OTOP1: variants seen among roughly 807,000 people sequenced by gnomAD.
OTOP1 encodes proton channel OTOP1.
OTOP1 carries 59 observed loss-of-function variants against 52.9 expected under a neutral mutation model. That is an observed-to-expected ratio of 1.12 (90% CI 0.91 to 1.39). The LOEUF is 1.39. Ranked by LOEUF, OTOP1 falls within the 40% of genes most tolerant of loss-of-function variation. The pLI is 0.00. For synonymous variants in OTOP1, 317 were observed against 337.7 expected, an observed-to-expected ratio of 0.94 and a Z score of 0.67; for missense variants, 761 against 800.9, an observed-to-expected ratio of 0.95 and a Z score of 0.60.
intron 3 of OTOP1, 59 bp downstream of exon 3, chr4:4,206,013 T>C: frequency 6.9e-7 from 1 of 1,456,648 alleles, no homozygotes; most frequent in East Asian, 2.3e-5. Context: ...GTGATGAGTT[T>C]TGAAAATTCT....
At chr4:4,215,522 G>A (rs1004714307) in intron 1 of OTOP1, among the ~76,000 whole-genome samples, 3 of 152,010 alleles carry the variant, frequency 2.0e-5, no homozygotes, top group South Asian at 2.1e-4. Context: ...ATTAGCGGGT[G>A]TGGTGGTACA....
At chr4:4,211,986 C>G (rs1717035839) in intron 2 of OTOP1, among the ~76,000 whole-genome samples, 1 of 151,516 alleles carries the variant, frequency 6.6e-6, no homozygotes, top group South Asian at 2.1e-4. Context: ...TTACCATACC[C>G]AAAAAAAGAA....
intron 4 of OTOP1, among the ~76,000 whole-genome samples, chr4:4,201,465 T>TACACACAC (rs773676745): frequency 7.4e-4 from 64 of 86,184 alleles, no homozygotes; most frequent in Middle Eastern, 5.7e-3. Context: ...AATAAATATA[T>TACACACAC]ATATATACAC....
chr4:4,189,539 C>A (rs2920257), intron 5 of OTOP1, among the ~76,000 whole-genome samples: 119,680 of 152,154 alleles, frequency 0.79, 47,625 homozygotes, highest in African/African-American at 0.89. Context: ...ATGACCCTCA[C>A]TGATCCCCAG....
Position 4,226,840 on chromosome 4 carries a change from C to T in OTOP1, c.25G>A (p.Ala9Thr). 1 of 1,345,932 alleles carries T rather than the reference C, an allele frequency of 7.4e-7. No homozygotes were observed. The highest frequency in any genetic ancestry group is 9.5e-7 in the Non-Finnish European group (1 of 1,054,384). 83.4% of individuals were successfully genotyped at this position (1,345,932 alleles called of 1,614,324 possible). A position where few individuals can be genotyped will look rare whatever the true frequency, so the allele number is the denominator to read the frequency against. Residue 9 changes from alanine (A) to threonine (T), a missense_variant, in exon 1 of 6, where the codon GCC (alanine) becomes ACC (threonine). This residue lies in a region of OTOP1 where 73 missense variants were observed against 75.7 expected (regional missense o/e 0.96). Coordinates refer to ENST00000296358, the MANE Select transcript of OTOP1 (RefSeq NM_177998.3). ...GCGCTTGCAGCTGCCCGGGGCGAGGCGGGCGACCCCAGGCCCTCGAGCATC... is the reference window on the plus strand; with the variant it reads ...GCGCTTGCAGCTGCCCGGGGCGAGGTGGGCGACCCCAGGCCCTCGAGCATC... MLEGLGSP[A>T]SPRAAASASV...
intron 3 of OTOP1, among the ~76,000 whole-genome samples, chr4:4,205,827 A>C (rs1716893991): frequency 6.6e-6 from 1 of 152,228 alleles, no homozygotes; most frequent in Non-Finnish European, 1.5e-5. Context: ...TCATAACAGA[A>C]AAGTGTCTAA....
intron 4 of OTOP1, among the ~76,000 whole-genome samples, chr4:4,200,812 G>A (rs986980240): frequency 1.3e-4 from 19 of 150,434 alleles, no homozygotes; most frequent in Non-Finnish European, 2.7e-4. Context: ...CCAGCCTCGG[G>A]ATTACAAAGT....
At chr4:4,200,138 G>A (rs1716748967) in intron 4 of OTOP1, among the ~76,000 whole-genome samples, 1 of 152,094 alleles carries the variant, frequency 6.6e-6, no homozygotes, top group Non-Finnish European at 1.5e-5. Context: ...TAAGTGTTGT[G>A]GATTTTTTTG....
intron 2 of OTOP1, 22 bp downstream of exon 2, chr4:4,212,846 T>A (rs777242110): frequency 6.2e-7 from 1 of 1,612,998 alleles, no homozygotes; most frequent in African/African-American, 1.3e-5. Context: ...TGAGACAATA[T>A]AAATAAACAT....
intron 5 of OTOP1, among the ~76,000 whole-genome samples, chr4:4,193,358 C>T (rs1039479088): frequency 5.3e-5 from 8 of 152,202 alleles, no homozygotes; most frequent in African/African-American, 1.9e-4. Flanking sequence ...TCACCACACC[C>T]ACCGTCTGTT....
chr4:4,202,826 A>G (rs1400031198), intron 3 of OTOP1, among the ~76,000 whole-genome samples: 1 of 152,246 alleles, frequency 6.6e-6, no homozygotes, highest in Admixed American at 6.5e-5. Context: ...CTCAATGCCT[A>G]TAGGACATCA....
Position 4,197,857 on chromosome 4 carries a change from A to G in OTOP1, c.977T>C (p.Ile326Thr). 6.2e-7 allele frequency: 1 copy of G among 1,613,986 alleles called. No individual in the cohort carries two copies. The highest frequency in any genetic ancestry group is 8.5e-7 in the Non-Finnish European group (1 of 1,179,972). ...VLGLTVLAAT[I>T]AVVVVYLIHI... ...AATCAGGTATACCACCACCACAGCA[A>G]TGGTGGCGGCCAGCACGGTCAGGCC... is the stretch of plus-strand genomic sequence containing the variant. Residue 326 changes from isoleucine to threonine, a missense_variant, in exon 5 of 6, where the codon ATT (isoleucine) becomes ACT (threonine). Physicochemically the swap from Ile to Thr is moderately conservative, Grantham distance 89. Transcript: ENST00000296358.
rs1411947564 is a variant in OTOP1 at position 4,226,739 on chromosome 4, C to A, written c.126G>T (p.Pro42=). ...CGCGCACACCGCCCCGCCGGGGGGC[C>A]GGGGATTCCGGGGACCTCGGGGCCG... ...SSSAPRSPES[P]APRRGGVRAS... is the part of the protein sequence containing the mutation. Residue 42 remains proline, a synonymous_variant, in exon 1 of 6, where the codon CCG becomes CCT. Coordinates refer to ENST00000296358, the MANE Select transcript of OTOP1 (RefSeq NM_177998.3). 3.6e-6 allele frequency: 5 copies of A among 1,391,200 alleles called. No homozygotes were observed. The African/African-American group carries it at 6.1e-5, about 17-fold the overall frequency. 86.2% of individuals were successfully genotyped at this position (1,391,200 alleles called of 1,614,324 possible).
At chr4:4,200,740 C>CG (rs1716765302) in intron 4 of OTOP1, among the ~76,000 whole-genome samples, 1 of 29,548 alleles carries the variant, frequency 3.4e-5, no homozygotes, top group Non-Finnish European at 7.6e-5. Context: ...TTTTTTTTTT[C>CG]AGAGCTGGGG....
At chr4:4,204,319 A>G (rs762658502) in intron 3 of OTOP1, among the ~76,000 whole-genome samples, 3 of 152,102 alleles carry the variant, frequency 2.0e-5, no homozygotes, top group Non-Finnish European at 4.4e-5. Context: ...GCCTTCCCCG[A>G]GGTGCCTGGG....
chr4:4,226,537 A>C lies in OTOP1; in HGVS notation c.328T>G (p.Tyr110Asp), dbSNP rs569097165. 6.2e-7 allele frequency: 1 copy of C among 1,602,192 alleles called. No individual in the cohort carries two copies. The highest frequency in any genetic ancestry group is 1.1e-5 in the South Asian group (1 of 90,366). The change falls in exon 1 of 6, where the codon TAC (tyrosine) becomes GAC (aspartate). Residue 110 changes from tyrosine (Y) to aspartate (D), a missense_variant. Transcript: ENST00000296358. The stretch of plus-strand genomic sequence containing the variant: ...CGGTGCGCGGAGCTGCGGCCCACGT[A>C]CCACAGCATCCACAGCAGCTGCAGC... ...MLLQLLWMLW[Y>D]VGRSSAHRRL...
At chr4:4,216,357 G>A (rs28692847) in intron 1 of OTOP1, among the ~76,000 whole-genome samples, 6,199 of 152,270 alleles carry the variant, frequency 0.041, 422 homozygotes, top group African/African-American at 0.14. Context: ...CGAGGACTTG[G>A]TCAAGTCAGA....
chr4:4,202,025 C>T (rs1022155951), intron 4 of OTOP1, among the ~76,000 whole-genome samples: 13 of 152,142 alleles, frequency 8.5e-5, no homozygotes, highest in African/African-American at 2.9e-4. Flanking sequence ...AGCCCATTAA[C>T]CACAACCTAC....
At chr4:4,220,105 A>T (rs2920234) in intron 1 of OTOP1, among the ~76,000 whole-genome samples, 32,430 of 58,786 alleles carry the variant, frequency 0.55, 6,213 homozygotes, top group East Asian at 0.65. Flanking sequence ...ATATATATAT[A>T]TTTTTTTTTT....
Sources: gnomAD v4.1 joint callset for allele counts (sites outside exome capture counted in the v4.1 genomes callset) on GRCh38, gnomAD v4.1.1 for gene constraint, gnomAD v4.1.1 regional missense constraint, MANE v1.5 for transcripts, NCBI Gene and HGNC (gene_info 2026-07-23, HGNC 2026-07-21) for gene names.